The following TRPM1 variants were observed in gnomAD, a reference collection of about 807,000 sequenced individuals.
TRPM1 encodes transient receptor potential cation channel subfamily M member 1.
In TRPM1, 113 loss-of-function variants were observed where a neutral mutation model predicts 149.4. That is an observed-to-expected ratio of 0.76 (90% confidence interval 0.65 to 0.88). The LOEUF (loss-of-function observed/expected upper bound fraction) is 0.88, where lower values mean the gene tolerates loss of function less well. TRPM1 is among the 40% of genes least tolerant of loss of function. The pLI is 0.00. For missense variants in TRPM1, 1,976 were observed against 2,038.7 expected (o/e 0.97, Z 0.59); for synonymous variants, 741 against 759.5 (o/e 0.98, Z 0.40).
intron 1 of TRPM1, among the ~76,000 whole-genome samples, chr15:31,095,412 T>C (rs2035349782): frequency 6.6e-6 from 1 of 152,176 alleles, no homozygotes; most frequent in South Asian, 2.1e-4. Context: ...TGGCTGGGCA[T>C]GGTGGCTCAT....
intron 12 of TRPM1, among the ~76,000 whole-genome samples, chr15:31,049,822 A>G (rs1278931616): frequency 6.6e-6 from 1 of 152,148 alleles, no homozygotes; most frequent in Non-Finnish European, 1.5e-5. Flanking sequence ...CTTGACTGAG[A>G]AGTTGTGCCA....
At chr15:31,126,930 G>T (rs879738037) in intron 1 of TRPM1, among the ~76,000 whole-genome samples, 1 of 152,100 alleles carries the variant, frequency 6.6e-6, no homozygotes, top group Non-Finnish European at 1.5e-5. Context: ...TCGTGCCACT[G>T]CATTCCGGCC....
chr15:31,129,299 G>A lies in TRPM1; in HGVS notation c.54+31607C>T, dbSNP rs78112005. On this transcript the variant is annotated intron_variant, in intron 1 of 26. Coordinates refer to the TRPM1 transcript ENST00000542188. ...GTGCCAGTGCCACAGCAACAGTGCT[G>A]ACTTGTGCTTACTGCGCAGATCTGT... Among the ~76,000 whole-genome samples, 25 of 152,352 alleles carry A rather than the reference G, an allele frequency of 1.6e-4. 1 individual carries two copies. In the East Asian group the frequency reaches 4.6e-3, roughly 28 times the overall value.
At chr15:31,113,506 G>C (rs117240482) in intron 1 of TRPM1, among the ~76,000 whole-genome samples, 4 of 151,850 alleles carry the variant, frequency 2.6e-5, no homozygotes, top group African/African-American at 9.7e-5. Context: ...CAGTGACTGA[G>C]AATTTTCCAA....
chr15:31,075,607 G>T (rs1244004747), intron 3 of TRPM1, among the ~76,000 whole-genome samples: 3 of 152,164 alleles, frequency 2.0e-5, no homozygotes, highest in African/African-American at 7.2e-5. Context: ...GGGACAGGAT[G>T]AGAAATGCTG....
chr15:31,089,561 C>T (rs192965084), intron 1 of TRPM1, among the ~76,000 whole-genome samples: 4 of 152,270 alleles, frequency 2.6e-5, no homozygotes, highest in Non-Finnish European at 4.4e-5. Context: ...CCGAGACAGG[C>T]CTGAGCGGCA....
At chr15:31,017,603 TG>T (rs1157993913) in intron 27 of TRPM1, among the ~76,000 whole-genome samples, 1 of 152,238 alleles carries the variant, frequency 6.6e-6, no homozygotes, top group Non-Finnish European at 1.5e-5. Flanking sequence ...TGAAACTGTG[TG>T]CTCTGTGAAC....
intron 1 of TRPM1, among the ~76,000 whole-genome samples, chr15:31,113,857 A>G (rs1596081226): frequency 6.6e-6 from 1 of 151,694 alleles, no homozygotes; most frequent in Non-Finnish European, 1.5e-5. Context: ...CGACGCTCCC[A>G]CACGCTGGAA....
chr15:31,106,122 A>T (rs1011830671), upstream of TRPM1, among the ~76,000 whole-genome samples: 3 of 149,020 alleles, frequency 2.0e-5, no homozygotes, highest in Non-Finnish European at 4.4e-5. Context: ...CTTTCCCCAC[A>T]AGTAAACCTT....
intron 1 of TRPM1, among the ~76,000 whole-genome samples, chr15:31,109,686 T>G (rs1596077675): frequency 3.6e-5 from 5 of 139,322 alleles, no homozygotes; most frequent in East Asian, 2.1e-4. Context: ...GGCAACAGAG[T>G]GAGACTCTGT....
chr15:31,080,180 C>A (rs1205705212), intron 2 of TRPM1, among the ~76,000 whole-genome samples: 1 of 152,126 alleles, frequency 6.6e-6, no homozygotes, highest in Admixed American at 6.5e-5. Flanking sequence ...CCGACAATCA[C>A]CATTTGGCAA....
At chr15:31,107,254 A>T (rs2035619099) in intron 1 of TRPM1, among the ~76,000 whole-genome samples, 1 of 152,098 alleles carries the variant, frequency 6.6e-6, no homozygotes, top group East Asian at 1.9e-4. Context: ...GTCTGTTCAG[A>T]TTTTTCTGTT....
chr15:31,046,926 G>A (rs1400863365), intron 15 of TRPM1, among the ~76,000 whole-genome samples, 185 bp downstream of exon 15: 2 of 152,228 alleles, frequency 1.3e-5, no homozygotes, highest in Admixed American at 6.5e-5. Context: ...TGGGCGGGGC[G>A]GCCCGTGCTC....
chr15:31,028,389 G>T lies in TRPM1; in HGVS notation c.3236C>A (p.Ala1079Glu), dbSNP rs565655187. Reference sequence around the variant, plus strand: ...GATGTTGGCGACCAGTAGATAGCACGCCATGAGTGCTGGAGTGAGCCAGGC... The same window carrying T: ...GATGTTGGCGACCAGTAGATAGCACTCCATGAGTGCTGGAGTGAGCCAGGC... ...PGAWLTPALM[A>E]CYLLVANILL... The change falls in exon 25 of 28, where the codon GCG becomes GAG. Residue 1079 changes from alanine (A) to glutamate (E), a missense_variant. Around this residue, in one of 3 missense-constraint regions of TRPM1, gnomAD observed 72 missense variants for 112.7 expected, o/e 0.64. Transcript: ENST00000256552. 6.2e-7 allele frequency: 1 copy of T among 1,613,966 alleles called. No homozygotes were observed. Among genetic ancestry groups the T allele is most frequent in the African/African-American group, 1.3e-5 (1 of 74,904 alleles).
In TRPM1 at chr15:31,067,987, G is replaced by A. The variant is rs955490399; in HGVS notation, c.385C>T (p.Leu129Phe). Residue 129 changes from leucine to phenylalanine, a missense_variant, in exon 5 of 28, where the codon CTC (leucine) becomes TTC (phenylalanine). Physicochemically the swap from Leu to Phe is conservative, Grantham distance 22. Transcript: ENST00000256552. ...PKLLISVHGG[L>F]QNFEMQPKLK... ...TTGGGCTGCATCTCAAAGTTCTGGAGGCCTCCATGCACAGATATTAAGAGC... is the reference window on the plus strand; with the variant it reads ...TTGGGCTGCATCTCAAAGTTCTGGAAGCCTCCATGCACAGATATTAAGAGC... The A allele has an allele frequency of 6.2e-7, 1 of 1,614,028 alleles. No individual in the cohort carries two copies. The highest frequency in any genetic ancestry group is 8.5e-7 in the Non-Finnish European group (1 of 1,180,038).
chr15:31,065,032 C>T (rs1229019455), intron 7 of TRPM1: 3 of 534,598 alleles, frequency 5.6e-6, no homozygotes, highest in Non-Finnish European at 1.2e-5. Flanking sequence ...GTCCTCGAAG[C>T]TCCGTGCTGT....
chr15:31,066,889 G>A lies in TRPM1; in HGVS notation c.618+174C>T, dbSNP rs138407724. Among the ~76,000 whole-genome samples the A allele has an allele frequency of 1.1e-3, 170 of 152,282 alleles. 2 individuals are homozygous for A. The highest frequency in any genetic ancestry group is 3.9e-3 in the African/African-American group (163 of 41,566). ...CTGCACCTTGACCTTATCAATGACA[G>A]TATCCGGGTTGTGATCTTGCATTAT... On this transcript the variant is annotated intron_variant, in intron 6 of 27. Coordinates refer to ENST00000256552, the MANE Select transcript of TRPM1 (RefSeq NM_001252024.2).
At chr15:31,083,122 C>T (rs2034906256) in intron 1 of TRPM1, among the ~76,000 whole-genome samples, 1 of 152,122 alleles carries the variant, frequency 6.6e-6, no homozygotes, top group African/African-American at 2.4e-5. Context: ...AATGTAAGAG[C>T]TGGTGTACTG....
chr15:31,026,991 G>A lies in TRPM1; in HGVS notation c.3420C>T (p.Tyr1140=), dbSNP rs1332060019. 1 of 1,614,062 alleles carries A rather than the reference G, an allele frequency of 6.2e-7. No homozygotes were observed. The highest frequency in any genetic ancestry group is 2.2e-5 in the East Asian group (1 of 44,902). ...PPPMIILSHI[Y]IIIMRLSGRC... ...GGCCGCTGAGACGCATAATGATGAT[G>A]TAGATGTGGCTTAAAATGATCATCG... The change falls in exon 26 of 28, where the codon TAC becomes TAT. Residue 1140 remains tyrosine, a synonymous_variant. Transcript: ENST00000256552.
Sources: gnomAD v4.1 joint callset for allele counts (sites outside exome capture counted in the v4.1 genomes callset) on GRCh38, gnomAD v4.1.1 for gene constraint, gnomAD v4.1.1 regional missense constraint, MANE v1.5 for transcripts, NCBI Gene and HGNC (gene_info 2026-07-23, HGNC 2026-07-21) for gene names.